WWTR1: variants seen among roughly 807,000 people sequenced by gnomAD.
The protein encoded by WWTR1 is WW domain containing transcription regulator 1, also known as WW domain-containing transcription regulator protein 1.
Under a neutral mutation model 40.1 loss-of-function variants are expected in WWTR1, and 13 were observed. The observed-to-expected ratio is 0.32, with a 90% CI of 0.21 to 0.52. The LOEUF (loss-of-function observed/expected upper bound fraction) is 0.52. Ranked by LOEUF, WWTR1 falls within the 20% of genes least tolerant of loss-of-function variation. WWTR1 has a pLI of 0.97. For missense variants in WWTR1, 436 were observed against 523.1 expected (o/e 0.83, Z 1.63); for synonymous variants, 230 against 210.1 (o/e 1.09, Z -0.82).
At position 149,656,833 on chromosome 3, in the gene WWTR1, G is replaced by C. The variant is rs757198418; in HGVS notation, c.431+43C>G. ...CACACACGAACACACGCGCGCGTTG[G>C]GCACTGTGACTTGGTGCCTTCTTCG... On this transcript the variant is annotated intron_variant, in intron 2 of 6. Transcript: ENST00000360632. The C allele has an allele frequency of 4.0e-6, 6 of 1,486,030 alleles. No individual in the cohort carries two copies. In the African/African-American group the frequency reaches 4.3e-5, roughly 11 times the overall value. The allele number at this position is 1,486,030 out of a possible 1,614,324, so 92.1% of individuals were successfully genotyped here.
At chr3:149,569,748 G>T (rs1456350988) in intron 3 of WWTR1, among the ~76,000 whole-genome samples, 2 of 152,206 alleles carry the variant, frequency 1.3e-5, no homozygotes, top group African/African-American at 4.8e-5. Context: ...TATCACTTTA[G>T]TTCACTTATT....
rs374427935 is a variant in WWTR1, at chr3:149,542,400, G to A, written c.706C>T (p.Arg236Trp). The change falls in exon 4 of 7, where the codon CGG (arginine) becomes TGG (tryptophan). Residue 236 changes from arginine to tryptophan, a missense_variant. Transcript: ENST00000360632. ...TTQQQQQQKL[R>W]LQRIQMERER... ...CTCTCCATCTGGATTCTCTGAAGCC[G>A]CAGTTTCTGCTGCTGCTGCTGCTGA... The A allele has an allele frequency of 3.1e-6, 5 of 1,613,960 alleles. No homozygotes were observed. The highest frequency in any genetic ancestry group is 4.2e-6 in the Non-Finnish European group (5 of 1,179,994).
chr3:149,678,803 T>C (rs1714356305), intron 1 of WWTR1, among the ~76,000 whole-genome samples: 1 of 151,212 alleles, frequency 6.6e-6, no homozygotes, highest in Non-Finnish European at 1.5e-5. Flanking sequence ...GGAGGAATTA[T>C]ATTAACGTGT....
At chr3:149,647,816 A>G (rs922423409) in intron 2 of WWTR1, among the ~76,000 whole-genome samples, 1 of 152,224 alleles carries the variant, frequency 6.6e-6, no homozygotes, top group Non-Finnish European at 1.5e-5. Context: ...CGCTACAGTC[A>G]CAAAAAGCTA....
At chr3:149,527,264 C>G (rs1735364593) in intron 5 of WWTR1, among the ~76,000 whole-genome samples, 2 of 151,684 alleles carry the variant, frequency 1.3e-5, no homozygotes, top group Admixed American at 1.3e-4. Context: ...AAGCAATTCT[C>G]AGCCTCCCGA....
At chr3:149,631,886 T>C (rs143936133) in intron 2 of WWTR1, among the ~76,000 whole-genome samples, 1 of 152,166 alleles carries the variant, frequency 6.6e-6, no homozygotes, top group African/African-American at 2.4e-5. Context: ...CTGTGAGGCA[T>C]GATACCTTAA....
intron 2 of WWTR1, among the ~76,000 whole-genome samples, chr3:149,622,629 T>A (rs1270685300): frequency 1.3e-5 from 2 of 152,126 alleles, no homozygotes; most frequent in Admixed American, 6.5e-5. Flanking sequence ...GCTGGGCAGA[T>A]CTCTTGAGCT....
At chr3:149,550,802 T>C (rs1736587786) in intron 3 of WWTR1, among the ~76,000 whole-genome samples, 1 of 133,074 alleles carries the variant, frequency 7.5e-6, no homozygotes, top group Non-Finnish European at 1.6e-5. Flanking sequence ...AAGCACGTGA[T>C]GATTTAAAAA....
At chr3:149,715,609 C>G (rs1000790479) in intron 5 of WWTR1, among the ~76,000 whole-genome samples, 1 of 152,172 alleles carries the variant, frequency 6.6e-6, no homozygotes, top group African/African-American at 2.4e-5. Context: ...GCCGAGTGGG[C>G]GGAACAAGCC....
chr3:149,708,398 C>T (rs1715387129), intron 5 of WWTR1, among the ~76,000 whole-genome samples: 1 of 152,100 alleles, frequency 6.6e-6, no homozygotes, highest in African/African-American at 2.4e-5. Context: ...TCACGTTGTA[C>T]AACCAATCTT....
At chr3:149,577,088 C>T (rs377322673) in intron 2 of WWTR1, among the ~76,000 whole-genome samples, 1 of 152,128 alleles carries the variant, frequency 6.6e-6, no homozygotes. Context: ...ACCCAGGAGG[C>T]GGAGATTGTG....
At chr3:149,701,558 T>C (rs1015486609) in intron 1 of WWTR1, 1 of 180,294 alleles carries the variant, frequency 5.5e-6, no homozygotes, top group Admixed American at 6.3e-5. Context: ...AAGAAACGTA[T>C]GAATTCTATT....
chr3:149,601,192 A>T (rs1397418540), intron 2 of WWTR1, among the ~76,000 whole-genome samples: 1 of 152,086 alleles, frequency 6.6e-6, no homozygotes, highest in Non-Finnish European at 1.5e-5. Context: ...AATTTTTTAT[A>T]GTTTTTCTTT....
At chr3:149,534,705 T>C (rs1304751530) in intron 4 of WWTR1, among the ~76,000 whole-genome samples, 3 of 152,194 alleles carry the variant, frequency 2.0e-5, no homozygotes, top group African/African-American at 7.2e-5. Context: ...AAATTTATTT[T>C]TGTCTATGTC....
At position 149,538,138 on chromosome 3, in the gene WWTR1, T is replaced by C. The variant is rs183820869; in HGVS notation, c.771+4197A>G. Among the ~76,000 whole-genome samples the C allele has an allele frequency of 1.5e-3, 222 of 152,304 alleles. 3 individuals carry two copies. Among genetic ancestry groups the C allele is most frequent in the Middle Eastern group, 6.8e-3 (2 of 294 alleles). ...TTTCACCATGTCGGCCAGGCTGGTC[T>C]CGAACTCCTGACCTCAAGTGATCTG... On this transcript the variant is annotated intron_variant, in intron 4 of 6. Transcript: ENST00000360632.
intron 2 of WWTR1, among the ~76,000 whole-genome samples, chr3:149,634,664 GAC>G (rs1276219165): frequency 6.6e-6 from 1 of 152,186 alleles, no homozygotes; most frequent in Admixed American, 6.5e-5. Context: ...GCAAGTGAAA[GAC>G]CCTGGATCTG....
intron 2 of WWTR1, among the ~76,000 whole-genome samples, chr3:149,593,589 C>T (rs1401505047): frequency 1.3e-5 from 2 of 152,188 alleles, no homozygotes; most frequent in Middle Eastern, 3.2e-3. Flanking sequence ...GCTAAGCTCC[C>T]CTGTAATTGA....
intron 2 of WWTR1, among the ~76,000 whole-genome samples, chr3:149,667,659 C>T (rs1325330671): frequency 6.6e-6 from 1 of 152,162 alleles, no homozygotes; most frequent in East Asian, 1.9e-4. Context: ...TGTCCTGATA[C>T]TCTGGTTGAG....
rs1713697923 is a variant in WWTR1 at position 149,663,955 on chromosome 3, C to CT, written c.-4+5832dup. Reference sequence around the variant, plus strand: ...TTTCTCCCATGCCTAACAAAGTGTTCTCCATGCAGGAGTGTTCTGTACATG... The same window carrying CT: ...TTTCTCCCATGCCTAACAAAGTGTTCTTCCATGCAGGAGTGTTCTGTACATG... On this transcript the variant is annotated intron_variant, in intron 2 of 7. Coordinates refer to the WWTR1 transcript ENST00000465804. Among the ~76,000 whole-genome samples, 3 of 152,382 alleles carry CT rather than the reference C, an allele frequency of 2.0e-5. No homozygotes were observed. The South Asian group carries it at 6.2e-4, about 32-fold the overall frequency.
Sources: allele counts gnomAD v4.1 joint callset (sites outside exome capture counted in the v4.1 genomes callset), GRCh38; gene constraint gnomAD v4.1.1; transcripts MANE v1.5; gene names NCBI Gene and HGNC (gene_info 2026-07-23, HGNC 2026-07-21).